Variants in PPARGC1A observed in about 807,000 individuals in gnomAD.
PPARGC1A encodes the protein peroxisome proliferator-activated receptor gamma coactivator 1-alpha.
PPARGC1A carries 25 observed loss-of-function variants against 88.7 expected under a neutral mutation model. That is an observed-to-expected ratio of 0.28 (90% CI 0.21 to 0.39). PPARGC1A has a LOEUF of 0.39. Ranked by LOEUF, PPARGC1A falls within the 10% of genes least tolerant of loss-of-function variation. The pLI is 1.00. For synonymous variants in PPARGC1A, 363 were observed against 355.6 expected (o/e 1.02, Z -0.24); for missense variants, 880 against 968.7 (o/e 0.91, Z 1.22).
chr4:23,937,028 G>A, the PPARGC1A span, among the ~76,000 whole-genome samples: 38 of 150,944 alleles, frequency 2.5e-4, no homozygotes, highest in East Asian at 6.2e-3. Context: ...GCGAAGTCAC[G>A]AAGAAGACCA....
chr4:23,984,458 C>T, the PPARGC1A span, among the ~76,000 whole-genome samples: 3 of 152,066 alleles, frequency 2.0e-5, no homozygotes, highest in Non-Finnish European at 4.4e-5. Context: ...GATTTACCTA[C>T]CAAGGTTTCC....
At chr4:23,800,595 T>C (rs998435195) in intron 12 of PPARGC1A, among the ~76,000 whole-genome samples, 4 of 150,508 alleles carry the variant, frequency 2.7e-5, no homozygotes, top group South Asian at 2.1e-4. Context: ...TTTGGAAGTT[T>C]ATATATATAT....
rs1553899202 is a variant in PPARGC1A at position 23,873,221 on chromosome 4, A to AG, written c.234+11530_234+11531insC. On this transcript the variant is annotated intron_variant, in intron 2 of 12. Transcript: ENST00000264867. ...TCAAAAATAAAAAATAAAAAATAAAAAATAAAGAAAAAAATGTGACCAGCC... is the reference window on the plus strand; with the variant it reads ...TCAAAAATAAAAAATAAAAAATAAAAGAATAAAGAAAAAAATGTGACCAGCC... Among the ~76,000 whole-genome samples the AG allele has an allele frequency of 3.4e-4, 48 of 142,410 alleles. 2 individuals carry two copies. In the East Asian group the frequency reaches 4.4e-3, roughly 13 times the overall value. The allele number at this position is 142,410 out of a possible 152,430, so 93.4% of individuals were successfully genotyped here. A position where few individuals can be genotyped will look rare whatever the true frequency, so the allele number is the denominator to read the frequency against.
chr4:24,095,629 G>T, the PPARGC1A span, among the ~76,000 whole-genome samples: 1 of 152,116 alleles, frequency 6.6e-6, no homozygotes, highest in Non-Finnish European at 1.5e-5. Flanking sequence ...CAGAACCTAG[G>T]AGAGAGGCAG....
At chr4:23,973,911 C>T in the PPARGC1A span, among the ~76,000 whole-genome samples, 12 of 150,092 alleles carry the variant, frequency 8.0e-5, no homozygotes, top group East Asian at 7.8e-4. Context: ...TGGTGGGCTA[C>T]GGAGGAGGAA....
At chr4:24,195,910 A>G in the PPARGC1A span, among the ~76,000 whole-genome samples, 1 of 152,238 alleles carries the variant, frequency 6.6e-6, no homozygotes, top group South Asian at 2.1e-4. Flanking sequence ...TGTACCTCAG[A>G]GCATCAAGGG....
chr4:23,926,766 G>A, the PPARGC1A span, among the ~76,000 whole-genome samples: 2 of 152,174 alleles, frequency 1.3e-5, 1 homozygote, highest in African/African-American at 4.8e-5. Flanking sequence ...CCTGCTTGAG[G>A]CCATGTTAAG....
chr4:24,170,676 T>C, the PPARGC1A span, among the ~76,000 whole-genome samples: 1 of 152,122 alleles, frequency 6.6e-6, no homozygotes, highest in Non-Finnish European at 1.5e-5. Flanking sequence ...ATTCCATCCA[T>C]TTGGTACGGA....
the PPARGC1A span, among the ~76,000 whole-genome samples, chr4:23,924,390 G>A: frequency 6.6e-6 from 1 of 152,218 alleles, no homozygotes; most frequent in Non-Finnish European, 1.5e-5. Context: ...CACTTCGGGA[G>A]GCCGAGGCGG....
chr4:23,847,847 A>G (rs540655276), intron 2 of PPARGC1A, among the ~76,000 whole-genome samples: 1 of 152,322 alleles, frequency 6.6e-6, no homozygotes, highest in South Asian at 2.1e-4. Flanking sequence ...CTTTAAGTCA[A>G]TTTGTCTTTT....
intron 2 of PPARGC1A, chr4:23,882,261 C>T (rs1266767671): frequency 1.3e-5 from 2 of 152,144 alleles, no homozygotes; most frequent in East Asian, 3.9e-4. Flanking sequence ...GTCCTGGAGC[C>T]CCAGGCATCC....
the PPARGC1A span, among the ~76,000 whole-genome samples, chr4:24,194,652 ACACACACACACACACAC>A: frequency 9.8e-4 from 19 of 19,308 alleles, no homozygotes; most frequent in Admixed American, 7.6e-3. Flanking sequence ...ACACACACAC[ACACACACACACACACAC>A]CCCCATCAAG....
At chr4:24,310,309 A>C in the PPARGC1A span, among the ~76,000 whole-genome samples, 1 of 152,208 alleles carries the variant, frequency 6.6e-6, no homozygotes, top group African/African-American at 2.4e-5. Context: ...TGGGAAAGTC[A>C]CAAAGCGACA....
At chr4:24,092,591 T>C in the PPARGC1A span, among the ~76,000 whole-genome samples, 2 of 152,196 alleles carry the variant, frequency 1.3e-5, no homozygotes, top group Non-Finnish European at 2.9e-5. Flanking sequence ...GTAAATTCAC[T>C]ACCTCCCAAG....
At chr4:23,903,807 T>TA (rs928248442), upstream of PPARGC1A, among the ~76,000 whole-genome samples, 6 of 151,460 alleles carry the variant, frequency 4.0e-5, no homozygotes, top group Middle Eastern at 3.4e-3. Flanking sequence ...CGAACAGCTT[T>TA]AAAAAAAAAT....
chr4:24,181,975 T>C, the PPARGC1A span, among the ~76,000 whole-genome samples: 3 of 152,164 alleles, frequency 2.0e-5, no homozygotes, highest in Admixed American at 2.0e-4. Flanking sequence ...CACTCAGTTC[T>C]TGGCACCTCA....
the PPARGC1A span, among the ~76,000 whole-genome samples, chr4:24,361,511 T>C: frequency 6.6e-6 from 1 of 151,952 alleles, no homozygotes. Context: ...CTCTGCCTCT[T>C]TCTCTCTCTC....
chr4:24,019,595 A>T, the PPARGC1A span, among the ~76,000 whole-genome samples: 11 of 152,184 alleles, frequency 7.2e-5, no homozygotes, highest in African/African-American at 2.4e-4. Flanking sequence ...CGTGTATCTA[A>T]GGGTTGAGTT....
chr4:24,302,479 CG>C, the PPARGC1A span, among the ~76,000 whole-genome samples: 6 of 152,158 alleles, frequency 3.9e-5, no homozygotes, highest in Non-Finnish European at 7.4e-5. Context: ...TGTCTTAAAC[CG>C]GGGCACTTTG....
Sources: gnomAD v4.1 joint callset for allele counts (sites outside exome capture counted in the v4.1 genomes callset) on GRCh38, gnomAD v4.1.1 for gene constraint, MANE v1.5 for transcripts, NCBI Gene and HGNC (gene_info 2026-07-23, HGNC 2026-07-21) for gene names.